FAM20C: variants seen among roughly 807,000 people sequenced by gnomAD.
FAM20C encodes extracellular serine/threonine protein kinase FAM20C.
FAM20C carries 40 observed loss-of-function variants against 51.5 expected under a neutral mutation model. The ratio of observed to expected loss-of-function variants is 0.78; its 90% CI spans 0.60 to 1.01. FAM20C has a LOEUF of 1.01. FAM20C is among the 50% of genes least tolerant of loss of function. The pLI is 0.00. For synonymous variants in FAM20C, 406 were observed against 380.6 expected, an observed-to-expected ratio of 1.07 and a Z score of -0.78; for missense variants, 861 against 844.7, an observed-to-expected ratio of 1.02 and a Z score of -0.24.
intron 1 of FAM20C, chr7:194,069 G>C: frequency 2.2e-6 from 1 of 456,718 alleles, no homozygotes; most frequent in Non-Finnish European, 3.8e-6. Context: ...TTAGAAGCGA[G>C]TCCTGACCAG....
intron 4 of FAM20C, among the ~76,000 whole-genome samples, chr7:247,974 G>C (rs183824424): frequency 3.9e-5 from 6 of 152,392 alleles, no homozygotes; most frequent in Non-Finnish European, 8.8e-5. Context: ...GTGTGGTTCA[G>C]AAGGAGTTCC....
chr7:211,631 C>T (rs372669195), intron 3 of FAM20C, among the ~76,000 whole-genome samples: 4 of 152,160 alleles, frequency 2.6e-5, no homozygotes, highest in African/African-American at 4.8e-5. Flanking sequence ...AGGCTGCTGA[C>T]GGATGGGCTG....
At chr7:200,176 C>T (rs1430506007) in intron 2 of FAM20C, among the ~76,000 whole-genome samples, 1 of 152,236 alleles carries the variant, frequency 6.6e-6, no homozygotes, top group South Asian at 2.1e-4. Flanking sequence ...GGGAGCAGGG[C>T]TCCTTGGAAG....
chr7:213,483 T>C (rs192425228), intron 3 of FAM20C, among the ~76,000 whole-genome samples: 1 of 152,244 alleles, frequency 6.6e-6, no homozygotes, highest in Admixed American at 6.5e-5. Flanking sequence ...GTTCCAACGC[T>C]CATCGGTGCT....
In FAM20C at chr7:253,100, G is replaced by T. The variant is rs532280773; in HGVS notation, c.1073-2749G>T. On this transcript the variant is annotated intron_variant, in intron 5 of 9. Transcript: ENST00000313766. The stretch of plus-strand genomic sequence containing the variant: ...CTGGGCTGGGCAGGGCGGTCCTCAG[G>T]ACTCTCTCCAGTGCTGCGTCCAGCT... Among the ~76,000 whole-genome samples the T allele has an allele frequency of 2.6e-5, 4 of 152,300 alleles. No individual in the cohort carries two copies. In the East Asian group the frequency reaches 7.7e-4, roughly 29 times the overall value.
chr7:193,707 T>C lies in FAM20C; in HGVS notation c.508T>C (p.Tyr170His), dbSNP rs1241858697. 3 of 1,546,146 alleles carry C rather than the reference T, an allele frequency of 1.9e-6. No individual in the cohort carries two copies. Among genetic ancestry groups the C allele is most frequent in the Non-Finnish European group, 2.6e-6 (3 of 1,145,108 alleles). ...LLARLFEHPL[Y>H]RVAVPPLTEE... ...GGCCAGGCTGTTCGAGCACCCGCTT[T>C]ACCGGGTGGCGGTTCCGCCGCTCAC... Residue 170 changes from tyrosine to histidine, a missense_variant, in exon 1 of 10, where the codon TAC (tyrosine) becomes CAC (histidine). Physicochemically the swap from Tyr to His is moderately conservative, Grantham distance 83. This residue lies in a region of FAM20C where 561 missense variants were observed against 499.8 expected (regional missense o/e 1.12). Coordinates refer to ENST00000313766, the MANE Select transcript of FAM20C (RefSeq NM_020223.4).
intron 3 of FAM20C, among the ~76,000 whole-genome samples, chr7:227,082 C>T (rs773056411): frequency 6.6e-6 from 1 of 152,014 alleles, no homozygotes; most frequent in Non-Finnish European, 1.5e-5. Context: ...GTGGGGTCTC[C>T]TGGAAAAGAT....
At chr7:197,793 C>A (rs1168143180) in intron 2 of FAM20C, among the ~76,000 whole-genome samples, 1 of 152,184 alleles carries the variant, frequency 6.6e-6, no homozygotes, top group Non-Finnish European at 1.5e-5. Context: ...GAGTTCTGTG[C>A]CAGGAGCTCC....
intron 3 of FAM20C, among the ~76,000 whole-genome samples, chr7:240,564 G>A (rs1787912730): frequency 6.6e-6 from 1 of 152,034 alleles, no homozygotes; most frequent in Non-Finnish European, 1.5e-5. Flanking sequence ...GACATTGATA[G>A]AAATGGAAGG....
intron 3 of FAM20C, among the ~76,000 whole-genome samples, chr7:210,653 C>T (rs1356824161): frequency 6.6e-6 from 1 of 152,124 alleles, no homozygotes; most frequent in Non-Finnish European, 1.5e-5. Flanking sequence ...TCAGGAGCAT[C>T]CCCTGGAGGG....
In FAM20C at chr7:193,421, C is replaced by T; in HGVS notation, c.222C>T (p.Ser74=). 7.1e-7 allele frequency: 1 copy of T among 1,417,794 alleles called. No individual in the cohort carries two copies. The allele number at this position is 1,417,794 out of a possible 1,614,324, so 87.8% of individuals were successfully genotyped here. A position where few individuals can be genotyped will look rare whatever the true frequency, so the allele number is the denominator to read the frequency against. Residue 74 remains serine (S), a synonymous_variant, in exon 1 of 10, where the codon TCC becomes TCT. Transcript: ENST00000313766. The part of the protein sequence containing the change: ...RGRPGEPPAA[S]SAAGDAGWPN... ...GCCCCGGGGAGCCCCCGGCCGCCTC[C>T]TCCGCCGCCGGCGACGCGGGCTGGC...
chr7:206,370 C>G (rs2115060223), intron 2 of FAM20C, among the ~76,000 whole-genome samples: 1 of 152,354 alleles, frequency 6.6e-6, no homozygotes, highest in African/African-American at 2.4e-5. Context: ...CCCTGCTGCC[C>G]CACGCTGGCC....
intron 3 of FAM20C, among the ~76,000 whole-genome samples, chr7:234,348 C>T (rs1787788155): frequency 6.6e-6 from 1 of 152,238 alleles, no homozygotes; most frequent in African/African-American, 2.4e-5. Context: ...AAAAGTCTTC[C>T]TTGCTGCCCA....
chr7:237,666 T>G (rs1160780927), intron 3 of FAM20C, among the ~76,000 whole-genome samples: 2 of 150,580 alleles, frequency 1.3e-5, no homozygotes, highest in East Asian at 3.9e-4. Context: ...ATACTGATGG[T>G]GATAGTGATG....
At chr7:218,642 G>T (rs1787112707) in intron 3 of FAM20C, among the ~76,000 whole-genome samples, 1 of 152,226 alleles carries the variant, frequency 6.6e-6, no homozygotes, top group Admixed American at 6.5e-5. Context: ...TCCACCACGT[G>T]GCCCAGCCGA....
rs961324437 is a variant in FAM20C, at chr7:205,659, G to A, written c.785-3239G>A. Among the ~76,000 whole-genome samples, 36 of 152,144 alleles carry A rather than the reference G, an allele frequency of 2.4e-4. 1 individual carries two copies. Among genetic ancestry groups the A allele is most frequent in the Admixed American group, 6.5e-5 (1 of 15,284 alleles). ...GAGCCCGTCGACGGTTTCTGTGGCT[G>A]CGCCGGGCTTGGGATCCATCTCCCT... On this transcript the variant is annotated intron_variant, in intron 2 of 9. Transcript: ENST00000313766.
In FAM20C at chr7:257,017, G is replaced by A. The variant is rs1302691161; in HGVS notation, c.1376G>A (p.Arg459His). Residue 459 changes from arginine (R) to histidine (H), a missense_variant, in exon 8 of 10, where the codon CGT becomes CAT. Physicochemically the swap from Arg to His is conservative, Grantham distance 29 (BLOSUM62 0). Coordinates refer to ENST00000313766, the MANE Select transcript of FAM20C (RefSeq NM_020223.4). ...CCTCTCTCCGCAGGAAACATGGACC[G>A]TCACCACTACGAGACTTTTGAGAAG... ...IFDFLMGNMDRHHYETFEKFG... is the reference protein window; with the variant it reads ...IFDFLMGNMDHHHYETFEKFG... 16 of 1,537,134 alleles carry A rather than the reference G, an allele frequency of 1.0e-5. No individual in the cohort carries two copies. Among genetic ancestry groups the A allele is most frequent in the South Asian group, 7.1e-5 (6 of 84,068 alleles).
At chr7:208,321 C>G (rs1247532413) in intron 2 of FAM20C, among the ~76,000 whole-genome samples, 1 of 144,466 alleles carries the variant, frequency 6.9e-6, no homozygotes, top group Admixed American at 6.9e-5. Flanking sequence ...GCCCTTGTGT[C>G]TGTGGGTGTG....
intron 3 of FAM20C, among the ~76,000 whole-genome samples, chr7:232,073 C>T (rs887609153): frequency 8.5e-5 from 13 of 152,248 alleles, no homozygotes; most frequent in African/African-American, 2.9e-4. Context: ...GGGAAGGCAT[C>T]TGCCTCCCTC....
Sources: gnomAD v4.1 joint callset for allele counts (sites outside exome capture counted in the v4.1 genomes callset) on GRCh38, gnomAD v4.1.1 for gene constraint, gnomAD v4.1.1 regional missense constraint, MANE v1.5 for transcripts, NCBI Gene and HGNC (gene_info 2026-07-23, HGNC 2026-07-21) for gene names.